Variants in DNAH9 observed in about 807,000 individuals in gnomAD.
DNAH9 encodes the protein dynein axonemal heavy chain 9.
A neutral mutation model predicts 471.6 loss-of-function variants in DNAH9; 345 were observed. That is an observed-to-expected ratio of 0.73 (90% CI 0.67 to 0.80). DNAH9 has a LOEUF of 0.80. Among genes scored for constraint, DNAH9 ranks in the 30% least tolerant of loss-of-function variants. The probability of loss-of-function intolerance (pLI) is 0.00; values close to 1 mark genes in which losing one functional copy is unlikely to be tolerated. For missense variants in DNAH9, 5,407 were observed against 5,609.2 expected (o/e 0.96, Z 1.15); for synonymous variants, 2,093 against 2,123.6 (o/e 0.99, Z 0.40).
At chr17:11,941,938 ACAGGGGCCACCTTT>A in intron 66 of DNAH9, among the ~76,000 whole-genome samples, 1 of 152,350 alleles carries the variant, frequency 6.6e-6, no homozygotes, top group East Asian at 1.9e-4. Context: ...CACATGGCCC[ACAGGGGCCACCTTT>A]TGGCCCAAGT....
At chr17:11,896,385 G>A (rs1439695815) in intron 59 of DNAH9, among the ~76,000 whole-genome samples, 1 of 152,216 alleles carries the variant, frequency 6.6e-6, no homozygotes, top group Non-Finnish European at 1.5e-5. Flanking sequence ...ATAAGTGAAT[G>A]GACACGGCTG....
intron 2 of DNAH9, 44 bp from the exon 3 acceptor site, chr17:11,610,352 T>G: frequency 6.4e-7 from 1 of 1,560,696 alleles, no homozygotes; most frequent in Non-Finnish European, 8.8e-7. Context: ...GCCTCAGGGT[T>G]TTTGTTTTTG....
intron 22 of DNAH9, among the ~76,000 whole-genome samples, 158 bp from the exon 23 acceptor site, chr17:11,699,573 C>T (rs1369460403): frequency 6.6e-6 from 1 of 152,182 alleles, no homozygotes; most frequent in African/African-American, 2.4e-5. Context: ...TTATTCCTGT[C>T]CTCACATCAG....
Position 11,769,138 on chromosome 17 carries a change from C to G in DNAH9, c.7361C>G (p.Thr2454Arg), listed in dbSNP as rs1387545453. 3.1e-6 allele frequency: 5 copies of G among 1,614,226 alleles called. No individual in the cohort carries two copies. The highest frequency in any genetic ancestry group is 1.7e-4 in the Middle Eastern group (1 of 6,058). The change falls in exon 38 of 69, where the codon ACG becomes AGG. Residue 2454 changes from threonine (T) to arginine (R), a missense_variant. By Grantham distance (71) the Thr-to-Arg change is moderately conservative (BLOSUM62 -1). Coordinates refer to ENST00000262442, the MANE Select transcript of DNAH9 (RefSeq NM_001372.4). ...EMPLQACLVH[T>R]SETIRVCYFM... is the part of the protein sequence containing the mutation. ...CCATTCCAGGCGTGTTTGGTGCACA[C>G]GAGTGAGACCATCCGTGTGTGCTAC...
chr17:11,678,156 C>T (rs551437694), intron 17 of DNAH9, among the ~76,000 whole-genome samples: 1 of 152,262 alleles, frequency 6.6e-6, no homozygotes, highest in African/African-American at 2.4e-5. Flanking sequence ...CTCCCGGATT[C>T]AAGTGATTCT....
intron 67 of DNAH9, among the ~76,000 whole-genome samples, chr17:11,943,574 G>A (rs1045158630): frequency 6.6e-6 from 1 of 152,100 alleles, no homozygotes; most frequent in African/African-American, 2.4e-5. Flanking sequence ...TTGCTGGGGA[G>A]GCTGAGGCAG....
chr17:11,841,436 G>T (rs1402246506), intron 49 of DNAH9, among the ~76,000 whole-genome samples: 1 of 152,132 alleles, frequency 6.6e-6, no homozygotes, highest in African/African-American at 2.4e-5. Context: ...GCATCCTTTT[G>T]AGTCTTTGTT....
intron 28 of DNAH9, among the ~76,000 whole-genome samples, chr17:11,733,837 G>A (rs1483877005): frequency 7.8e-6 from 1 of 128,172 alleles, no homozygotes; most frequent in Non-Finnish European, 1.6e-5. Context: ...CTCCAGCCTG[G>A]GCAACAGAGC....
intron 29 of DNAH9, among the ~76,000 whole-genome samples, chr17:11,741,004 C>G (rs2075425591): frequency 6.6e-6 from 1 of 151,972 alleles, no homozygotes; most frequent in South Asian, 2.1e-4. Flanking sequence ...TATAATTTAC[C>G]TTTCACACCA....
chr17:11,892,971 G>A lies in DNAH9; in HGVS notation c.11283+1024G>A, dbSNP rs12453322. Among the ~76,000 whole-genome samples the A allele has an allele frequency of 0.61, 92,184 of 151,648 alleles. 30,562 individuals carry two copies. Among genetic ancestry groups the A allele is most frequent in the Middle Eastern group, 0.74 (217 of 294 alleles). Reference sequence around the variant, plus strand: ...GCCCTTTCCTTGAATCTTCTGATCCGTAGTCAGACACGTTATCCATTGCAC... The same window carrying A: ...GCCCTTTCCTTGAATCTTCTGATCCATAGTCAGACACGTTATCCATTGCAC... On this transcript the variant is annotated intron_variant, in intron 58 of 68. Transcript: ENST00000262442. This position sits in a 1 kb window ranked among gnomAD's most constrained non-coding sequence, Gnocchi z 4.3.
intron 17 of DNAH9, among the ~76,000 whole-genome samples, chr17:11,676,390 C>T (rs558039001): frequency 6.9e-6 from 1 of 143,904 alleles, no homozygotes; most frequent in African/African-American, 2.5e-5. Flanking sequence ...TCAAGTGATT[C>T]TTCTGCCTCA....
At chr17:11,640,623 G>A (rs1597420404) in intron 10 of DNAH9, among the ~76,000 whole-genome samples, 1 of 152,150 alleles carries the variant, frequency 6.6e-6, no homozygotes, top group Non-Finnish European at 1.5e-5. Flanking sequence ...TTTTGCTCTG[G>A]GGGATTCATT....
intron 67 of DNAH9, among the ~76,000 whole-genome samples, chr17:11,947,227 G>T (rs1219427966): frequency 6.6e-6 from 1 of 152,162 alleles, no homozygotes; most frequent in Non-Finnish European, 1.5e-5. Context: ...ACTGGAAGGG[G>T]TATTGACTTT....
At chr17:11,840,006 G>C (rs1223680353) in intron 49 of DNAH9, among the ~76,000 whole-genome samples, 6 of 152,130 alleles carry the variant, frequency 3.9e-5, no homozygotes, top group Non-Finnish European at 8.8e-5. Context: ...AGTATACAAA[G>C]GCTTCTCAAA....
In DNAH9 at chr17:11,716,889, G is replaced by A. The variant is rs562879940; in HGVS notation, c.5553-2445G>A. The stretch of plus-strand genomic sequence containing the variant: ...GTCCTCCTGGGAGGCAGGGGGCCAT[G>A]GCAGGCCCTGAGCAGTTGTAGAGGA... On this transcript the variant is annotated intron_variant, in intron 26 of 68. Transcript: ENST00000262442. Among the ~76,000 whole-genome samples, 6 of 152,352 alleles carry A rather than the reference G, an allele frequency of 3.9e-5. 1 individual carries two copies. Among genetic ancestry groups the A allele is most frequent in the Admixed American group, 3.9e-4 (6 of 15,306 alleles).
rs1484273438 is a variant in DNAH9, at chr17:11,699,772, G to C, written c.4914G>C (p.Lys1638Asn). 4 of 1,614,068 alleles carry C rather than the reference G, an allele frequency of 2.5e-6. No individual in the cohort carries two copies. Among genetic ancestry groups the C allele is most frequent in the Non-Finnish European group, 3.4e-6 (4 of 1,180,024 alleles). Residue 1638 changes from lysine (K) to asparagine (N), a missense_variant, in exon 23 of 69, where the codon AAG (lysine) becomes AAC (asparagine). Transcript: ENST00000262442. Reference protein sequence around the residue: ...HLSKLFDNMAKMRFQLDASGE... With the variant: ...HLSKLFDNMANMRFQLDASGE... Reference sequence around the variant, plus strand: ...CCAAACTCTTTGACAACATGGCCAAGATGCGATTCCAGCTAGATGCCAGTG... The same window carrying C: ...CCAAACTCTTTGACAACATGGCCAACATGCGATTCCAGCTAGATGCCAGTG...
At chr17:11,613,026 G>C (rs1009703018) in intron 4 of DNAH9, among the ~76,000 whole-genome samples, 1 of 152,172 alleles carries the variant, frequency 6.6e-6, no homozygotes, top group Admixed American at 6.5e-5. Flanking sequence ...AGGAAGAAAA[G>C]TCCAGGTGTT....
At chr17:11,956,540 G>A (rs1212439395) in intron 67 of DNAH9, among the ~76,000 whole-genome samples, 3 of 152,024 alleles carry the variant, frequency 2.0e-5, no homozygotes, top group Non-Finnish European at 2.9e-5. Context: ...CTTTTCAAGA[G>A]TACACAGAAC....
intron 28 of DNAH9, among the ~76,000 whole-genome samples, chr17:11,731,871 TG>T (rs778737055): frequency 2.0e-5 from 3 of 152,180 alleles, no homozygotes; most frequent in Non-Finnish European, 4.4e-5. Context: ...CATGTGCATG[TG>T]TCTTTATAGC....
Sources: allele counts gnomAD v4.1 joint callset (sites outside exome capture counted in the v4.1 genomes callset), GRCh38; gene constraint gnomAD v4.1.1; non-coding constraint Gnocchi (gnomAD v3.1); transcripts MANE v1.5; gene names NCBI Gene and HGNC (gene_info 2026-07-23, HGNC 2026-07-21).